Variants in TIAM1 observed in about 807,000 individuals in gnomAD.
TIAM1 encodes TIAM Rac1 associated GEF 1.
Under a neutral mutation model 163.5 loss-of-function variants are expected in TIAM1, and 65 were observed. The observed-to-expected ratio is 0.40, with a 90% confidence interval of 0.33 to 0.49. TIAM1 has a LOEUF of 0.49. Ranked by LOEUF, TIAM1 falls within the 20% of genes least tolerant of loss-of-function variation. TIAM1 has a pLI of 0.77. For missense variants in TIAM1, 1,789 were observed against 2,044.7 expected (o/e 0.87, Z 2.41); for synonymous variants, 833 against 810.1 (o/e 1.03, Z -0.48).
At chr21:31,163,667 A>G (rs2084045452) in intron 16 of TIAM1, among the ~76,000 whole-genome samples, 1 of 152,218 alleles carries the variant, frequency 6.6e-6, no homozygotes, top group Non-Finnish European at 1.5e-5. Context: ...CAGGAAATGT[A>G]CAAACGTAGG....
chr21:31,210,189 G>C lies in TIAM1; in HGVS notation c.2244C>G (p.Asn748Lys). 3 of 1,614,106 alleles carry C rather than the reference G, an allele frequency of 1.9e-6. No homozygotes were observed. Among genetic ancestry groups the C allele is most frequent in the Admixed American group, 3.3e-5 (2 of 60,006 alleles). The change falls in exon 11 of 28, where the codon AAC (asparagine) becomes AAG (lysine). Residue 748 changes from asparagine (N) to lysine (K), a missense_variant. Asn to Lys is a moderately conservative substitution (Grantham distance 94, BLOSUM62 0). Around this residue, in one of 5 missense-constraint regions of TIAM1, gnomAD observed 456 missense variants for 586.6 expected, o/e 0.78. Transcript: ENST00000541036. Reference protein sequence around the residue: ...GKREKEVVLPNVHQHNPDCDI... With the variant: ...GKREKEVVLPKVHQHNPDCDI... ...CGCAGTCAGGGTTGTGCTGGTGAAC[G>C]TTAGGTAAGACCACTTCTTTCTCCC...
At chr21:31,332,589 C>T (rs938304464) in intron 2 of TIAM1, among the ~76,000 whole-genome samples, 1 of 151,994 alleles carries the variant, frequency 6.6e-6, no homozygotes, top group Non-Finnish European at 1.5e-5. Context: ...CCCTCACTCA[C>T]CTCACTCAAA....
intron 6 of TIAM1, among the ~76,000 whole-genome samples, chr21:31,232,687 C>T (rs1020755954): frequency 1.7e-4 from 26 of 152,154 alleles, no homozygotes; most frequent in Non-Finnish European, 2.9e-4. Context: ...ACTAACCTTG[C>T]CTCCCCTTCT....
intron 2 of TIAM1, among the ~76,000 whole-genome samples, chr21:31,354,157 C>G (rs910602808): frequency 6.6e-6 from 1 of 151,888 alleles, no homozygotes; most frequent in Non-Finnish European, 1.5e-5. Context: ...TAATATTACC[C>G]TTTGTATCAT....
At position 31,423,860 on chromosome 21, in the gene TIAM1, GGGC is replaced by G. The variant is rs1468614249; in HGVS notation, c.-369+40120_-369+40122del. ...AAAGTAAATTAATGATTATCGGGGGGGGCGGGGGGGGGGTCAAGGGAGTTGGGG... is the reference window on the plus strand; with the variant it reads ...AAAGTAAATTAATGATTATCGGGGGGGGGGGGGGGGTCAAGGGAGTTGGGG... On this transcript the variant is annotated intron_variant, in intron 2 of 28. Coordinates refer to the TIAM1 transcript ENST00000286827. Among the ~76,000 whole-genome samples, 260 of 103,212 alleles carry G rather than the reference GGGC, an allele frequency of 2.5e-3. 4 individuals are homozygous for G. Among genetic ancestry groups the G allele is most frequent in the South Asian group, 8.5e-3 (24 of 2,816 alleles). 67.7% of individuals were successfully genotyped at this position (103,212 alleles called of 152,430 possible).
At chr21:31,168,469 C>T (rs997377054) in intron 15 of TIAM1, among the ~76,000 whole-genome samples, 7 of 152,008 alleles carry the variant, frequency 4.6e-5, no homozygotes, top group African/African-American at 1.5e-4. Context: ...GGCGCAATCT[C>T]GGCTCACTGC....
At chr21:31,217,409 G>T in intron 9 of TIAM1, 144 bp downstream of exon 9, 1 of 1,117,094 alleles carries the variant, frequency 9.0e-7, no homozygotes, top group Non-Finnish European at 1.3e-6. Context: ...TCTATTAAAA[G>T]TGTCTAGCAC....
intron 16 of TIAM1, among the ~76,000 whole-genome samples, chr21:31,159,338 T>C (rs1020380345): frequency 1.3e-5 from 2 of 152,074 alleles, no homozygotes; most frequent in South Asian, 4.1e-4. Context: ...GAAAAGAAAG[T>C]ACAAAAAGAG....
rs1285982826 is a variant in TIAM1, at chr21:31,500,042, T to C, written c.-421-36007A>G. 4.6e-5 allele frequency among the ~76,000 whole-genome samples: 7 copies of C among 150,798 alleles called. No individual in the cohort carries two copies. The East Asian group carries it at 1.4e-3, about 30-fold the overall frequency. On this transcript the variant is annotated intron_variant, in intron 1 of 28. Transcript: ENST00000286827. ...TTAGCTGGGCATGGTGGCGGGCACC[T>C]GTAATCCCAGCTACTCAGAGGCTGA... is the stretch of plus-strand genomic sequence containing the variant.
At chr21:31,169,202 G>A (rs1379278374) in intron 15 of TIAM1, among the ~76,000 whole-genome samples, 1 of 152,164 alleles carries the variant, frequency 6.6e-6, no homozygotes, top group Non-Finnish European at 1.5e-5. Context: ...GCTGAGGCAG[G>A]AGAATCACTT....
chr21:31,350,484 G>A (rs1373093994), intron 2 of TIAM1, among the ~76,000 whole-genome samples: 1 of 152,106 alleles, frequency 6.6e-6, no homozygotes, highest in Non-Finnish European at 1.5e-5. Flanking sequence ...GGGCCTGGTG[G>A]GAGGTGATTA....
intron 20 of TIAM1, among the ~76,000 whole-genome samples, chr21:31,142,104 T>A (rs922700824): frequency 6.6e-6 from 1 of 152,010 alleles, no homozygotes; most frequent in African/African-American, 2.4e-5. Flanking sequence ...CATTTTCCCC[T>A]CGCTCCCTCT....
intron 12 of TIAM1, among the ~76,000 whole-genome samples, 155 bp downstream of exon 12, chr21:31,202,753 C>A (rs1344752964): frequency 6.6e-6 from 1 of 152,160 alleles, no homozygotes. Context: ...GAATACTGAG[C>A]TAAGTAGGGC....
At chr21:31,376,516 C>T (rs1421064090) in intron 2 of TIAM1, among the ~76,000 whole-genome samples, 1 of 152,104 alleles carries the variant, frequency 6.6e-6, no homozygotes, top group African/African-American at 2.4e-5. Context: ...GTGTTTGGCA[C>T]GAGATTTCCC....
chr21:31,540,749 G>A (rs948089147), intron 1 of TIAM1, among the ~76,000 whole-genome samples: 4 of 152,136 alleles, frequency 2.6e-5, no homozygotes, highest in African/African-American at 9.7e-5. Flanking sequence ...GCTCTGAGGC[G>A]TAAGAAAGAT....
intron 6 of TIAM1, among the ~76,000 whole-genome samples, chr21:31,244,098 G>A (rs2071368315): frequency 6.6e-6 from 1 of 152,120 alleles, no homozygotes; most frequent in Non-Finnish European, 1.5e-5. Flanking sequence ...CACTTATGTT[G>A]TGTGCACTCT....
Position 31,152,570 on chromosome 21 carries a change from C to G in TIAM1, c.3366+66G>C, listed in dbSNP as rs1437038205. 3.1e-6 allele frequency: 5 copies of G among 1,592,270 alleles called. No individual in the cohort carries two copies. The Admixed American group carries it at 8.8e-5, about 28-fold the overall frequency. On this transcript the variant is annotated intron_variant, in intron 19 of 27. Coordinates refer to ENST00000541036, the MANE Select transcript of TIAM1 (RefSeq NM_001353694.2). Reference sequence around the variant, plus strand: ...TGGCCCTCCAATGAAGACATCAACACGATCAGGGGATTCAACTTGAGCCAC... The same window carrying G: ...TGGCCCTCCAATGAAGACATCAACAGGATCAGGGGATTCAACTTGAGCCAC...
intron 1 of TIAM1, among the ~76,000 whole-genome samples, chr21:31,551,980 A>C (rs2048704039): frequency 3.9e-5 from 6 of 151,918 alleles, no homozygotes; most frequent in Admixed American, 3.9e-4. Flanking sequence ...GACTGTTACA[A>C]TACTTTTCAA....
intron 6 of TIAM1, among the ~76,000 whole-genome samples, chr21:31,237,429 C>T (rs577693219): frequency 6.6e-6 from 1 of 152,268 alleles, no homozygotes; most frequent in Non-Finnish European, 1.5e-5. Context: ...CACAGTGAAG[C>T]CACACTTAAT....
Sources: gnomAD v4.1 joint callset for allele counts (sites outside exome capture counted in the v4.1 genomes callset) on GRCh38, gnomAD v4.1.1 for gene constraint, gnomAD v4.1.1 regional missense constraint, MANE v1.5 for transcripts, NCBI Gene and HGNC (gene_info 2026-07-23, HGNC 2026-07-21) for gene names.